Variants in GPC5 observed in about 807,000 individuals in gnomAD.
GPC5 encodes the protein glypican 5, also known as glypican-5.
GPC5 carries 47 observed loss-of-function variants against 53.9 expected under a neutral mutation model. That is an observed-to-expected ratio of 0.87 (90% CI 0.69 to 1.11). The LOEUF is 1.11. Ranked by LOEUF, GPC5 falls within the 50% of genes most tolerant of loss-of-function variation. The probability of loss-of-function intolerance (pLI) is 0.00; values close to 1 mark genes in which losing one functional copy is unlikely to be tolerated. For synonymous variants in GPC5, 286 were observed against 263.3 expected (o/e 1.09, Z -0.84); for missense variants, 748 against 713.1 (o/e 1.05, Z -0.56).
At chr13:92,524,363 G>C (rs979428862) in intron 7 of GPC5, among the ~76,000 whole-genome samples, 1 of 152,016 alleles carries the variant, frequency 6.6e-6, no homozygotes, top group Non-Finnish European at 1.5e-5. Context: ...CAACGTAAAT[G>C]CTATGTAAAC....
At chr13:92,439,359 C>A (rs140979503) in intron 7 of GPC5, among the ~76,000 whole-genome samples, 1 of 152,300 alleles carries the variant, frequency 6.6e-6, no homozygotes, top group African/African-American at 2.4e-5. Context: ...ATAAGGGACT[C>A]AGTGACTTTG....
chr13:92,839,015 A>G (rs755411594), intron 7 of GPC5, among the ~76,000 whole-genome samples: 1 of 152,180 alleles, frequency 6.6e-6, no homozygotes, highest in Non-Finnish European at 1.5e-5. Context: ...CCAGAACACA[A>G]AATATTTGCG....
chr13:92,616,149 A>G (rs1459883930), intron 7 of GPC5, among the ~76,000 whole-genome samples: 2 of 152,230 alleles, frequency 1.3e-5, no homozygotes. Context: ...TGATAAAAAT[A>G]AGGATTTATA....
intron 7 of GPC5, among the ~76,000 whole-genome samples, chr13:92,798,051 C>A (rs181054313): frequency 3.3e-5 from 5 of 151,910 alleles, no homozygotes; most frequent in Admixed American, 2.0e-4. Context: ...CTATCCTAAG[C>A]AGTTTCGTAT....
intron 7 of GPC5, among the ~76,000 whole-genome samples, chr13:92,695,964 C>T (rs2139241109): frequency 6.6e-6 from 1 of 152,124 alleles, no homozygotes; most frequent in Middle Eastern, 3.4e-3. Context: ...TTTTTTGTTC[C>T]TGTGTTAGTT....
chr13:91,556,107 C>A (rs1445874192), intron 2 of GPC5, among the ~76,000 whole-genome samples: 1 of 152,008 alleles, frequency 6.6e-6, no homozygotes, highest in Non-Finnish European at 1.5e-5. Context: ...CTGGCAACCA[C>A]TACTTTGTTC....
At chr13:92,569,300 T>G (rs1349862839) in intron 7 of GPC5, among the ~76,000 whole-genome samples, 1 of 152,072 alleles carries the variant, frequency 6.6e-6, no homozygotes, top group Non-Finnish European at 1.5e-5. Context: ...CTGTAGGTAC[T>G]ATTGTTAACT....
intron 6 of GPC5, among the ~76,000 whole-genome samples, chr13:92,109,473 A>G (rs2041539158): frequency 6.6e-6 from 1 of 152,146 alleles, no homozygotes; most frequent in Admixed American, 6.6e-5. Flanking sequence ...CCTCAGTTGA[A>G]AATCCTCTCA....
At chr13:92,445,350 A>G (rs1248143143) in intron 7 of GPC5, among the ~76,000 whole-genome samples, 8 of 148,174 alleles carry the variant, frequency 5.4e-5, no homozygotes, top group Non-Finnish European at 1.0e-4. Context: ...GTTTTAGGGT[A>G]CATGTGCACA....
intron 4 of GPC5, among the ~76,000 whole-genome samples, chr13:91,748,817 A>G (rs1038485890): frequency 3.3e-5 from 5 of 152,070 alleles, no homozygotes; most frequent in African/African-American, 1.2e-4. Flanking sequence ...GTTGAGAGTA[A>G]AGTAGGAGGA....
chr13:92,639,387 T>TAAAAATAAAATGA (rs779784762), intron 7 of GPC5, among the ~76,000 whole-genome samples: 4 of 152,222 alleles, frequency 2.6e-5, no homozygotes, highest in Non-Finnish European at 5.9e-5. Flanking sequence ...CTGTACTTGC[T>TAAAAATAAAATGA]AAAAATAAAA....
At chr13:91,873,954 T>C (rs1416789675) in intron 5 of GPC5, among the ~76,000 whole-genome samples, 3 of 152,156 alleles carry the variant, frequency 2.0e-5, no homozygotes, top group Admixed American at 1.3e-4. Context: ...CCTGCTGGGG[T>C]CACAGGCATG....
At chr13:92,606,291 A>C (rs559310075) in intron 7 of GPC5, among the ~76,000 whole-genome samples, 1 of 151,886 alleles carries the variant, frequency 6.6e-6, no homozygotes, top group African/African-American at 2.4e-5. Flanking sequence ...CCTTTGTCCA[A>C]GTGTTCTCAT....
Position 92,031,757 on chromosome 13 carries a change from TTAC to T in GPC5, c.1402-113072_1402-113070del, listed in dbSNP as rs1404126074. Reference sequence around the variant, plus strand: ...CATATTATATATAATATATATTATATTACATATTATATATAATATATAATATAT... The same window carrying T: ...CATATTATATATAATATATATTATATATATTATATATAATATATAATATAT... On this transcript the variant is annotated intron_variant, in intron 6 of 7. Transcript: ENST00000377067. 1.2e-3 allele frequency among the ~76,000 whole-genome samples: 120 copies of T among 99,626 alleles called. 7 individuals carry two copies. Among genetic ancestry groups the T allele is most frequent in the African/African-American group, 5.6e-3 (116 of 20,534 alleles). The allele number at this position is 99,626 out of a possible 152,430, so 65.4% of individuals were successfully genotyped here. A position where few individuals can be genotyped will look rare whatever the true frequency, so the allele number is the denominator to read the frequency against.
chr13:92,323,566 T>C (rs1442841886), intron 7 of GPC5, among the ~76,000 whole-genome samples: 1 of 151,710 alleles, frequency 6.6e-6, no homozygotes, highest in East Asian at 1.9e-4. Context: ...CATTGTATTA[T>C]CTCCTCAAAA....
intron 6 of GPC5, among the ~76,000 whole-genome samples, chr13:92,130,224 A>G (rs2041731839): frequency 6.6e-6 from 1 of 152,086 alleles, no homozygotes; most frequent in Admixed American, 6.5e-5. Flanking sequence ...GTAATTGTTG[A>G]GAGAATGTTT....
intron 2 of GPC5, among the ~76,000 whole-genome samples, chr13:91,477,746 CAGAG>C (rs1410843622): frequency 6.6e-6 from 1 of 152,124 alleles, no homozygotes; most frequent in Non-Finnish European, 1.5e-5. Context: ...AGTGAATTCT[CAGAG>C]GGAGCGGGCA....
chr13:91,714,814 A>C (rs938765755), intron 3 of GPC5, among the ~76,000 whole-genome samples: 48 of 152,068 alleles, frequency 3.2e-4, no homozygotes, highest in Non-Finnish European at 2.6e-4. Context: ...TTAGGCTGGG[A>C]GGGTTTCTTG....
chr13:91,985,566 T>G (rs969311215), intron 6 of GPC5, among the ~76,000 whole-genome samples: 7 of 152,144 alleles, frequency 4.6e-5, no homozygotes, highest in African/African-American at 1.7e-4. Context: ...ATAATTGATT[T>G]TGTTCTTTAA....
Sources: allele counts gnomAD v4.1 joint callset (sites outside exome capture counted in the v4.1 genomes callset), GRCh38; gene constraint gnomAD v4.1.1; transcripts MANE v1.5; gene names NCBI Gene and HGNC (gene_info 2026-07-23, HGNC 2026-07-21).